Variants in MAST4 observed in about 807,000 individuals in gnomAD.
MAST4 encodes the protein microtubule associated serine/threonine kinase family member 4, also known as microtubule-associated serine/threonine-protein kinase 4.
A neutral mutation model predicts 162.7 loss-of-function variants in MAST4; 89 were observed. The ratio of observed to expected loss-of-function variants is 0.55; its 90% confidence interval spans 0.46 to 0.65. The LOEUF (loss-of-function observed/expected upper bound fraction) is 0.65. MAST4 is among the 30% of genes least tolerant of loss of function. The pLI is 0.00. For missense variants in MAST4, 3,153 were observed against 3,374.0 expected, an observed-to-expected ratio of 0.93 and a Z score of 1.62; for synonymous variants, 1,479 against 1,361.1, an observed-to-expected ratio of 1.09 and a Z score of -1.91.
At chr5:66,597,571 G>T (rs1742278186) in intron 1 of MAST4, among the ~76,000 whole-genome samples, 1 of 152,220 alleles carries the variant, frequency 6.6e-6, no homozygotes, top group Non-Finnish European at 1.5e-5. Flanking sequence ...GGTCCTCTGG[G>T]AGAAGAGGAC....
chr5:67,167,984 T>C lies in MAST4; in HGVS notation c.*933T>C, dbSNP rs1561222598. 1 of 152,264 alleles carries C rather than the reference T, an allele frequency of 6.6e-6. No homozygotes were observed. Among genetic ancestry groups the C allele is most frequent in the East Asian group, 1.9e-4 (1 of 5,204 alleles). The allele number at this position is 152,264 out of a possible 1,614,324, so 9.4% of individuals were successfully genotyped here. A position where few individuals can be genotyped will look rare whatever the true frequency, so the allele number is the denominator to read the frequency against. ...CTCAGGCCTTTATGCTGTGAGTGAC[T>C]AGTCCAAGAAGCACACATTTTGTAG... On this transcript the variant is annotated 3_prime_UTR_variant, in exon 29 of 29. Coordinates refer to ENST00000403625, the MANE Select transcript of MAST4 (RefSeq NM_001164664.2).
At chr5:66,732,732 C>G (rs1460886729) in intron 1 of MAST4, among the ~76,000 whole-genome samples, 1 of 152,138 alleles carries the variant, frequency 6.6e-6, no homozygotes, top group African/African-American at 2.4e-5. Flanking sequence ...GAGATTGTCC[C>G]TTTTTCCACT....
intron 1 of MAST4, among the ~76,000 whole-genome samples, chr5:66,718,181 T>C (rs1750966431): frequency 6.6e-6 from 1 of 151,006 alleles, no homozygotes; most frequent in African/African-American, 2.5e-5. Flanking sequence ...TTTCTTTTTT[T>C]TTTCTTTTTT....
chr5:66,925,093 C>A (rs1305486900), intron 4 of MAST4, among the ~76,000 whole-genome samples: 2 of 152,114 alleles, frequency 1.3e-5, no homozygotes, highest in African/African-American at 2.4e-5. Flanking sequence ...TACTTTTAGA[C>A]TTTTTTTCTA....
chr5:66,789,988 ATTTTTTTTTTTTTT>A (rs57743987), intron 3 of MAST4, among the ~76,000 whole-genome samples: 17 of 52,476 alleles, frequency 3.2e-4, no homozygotes, highest in South Asian at 3.0e-3. Flanking sequence ...GCTTATTAGA[ATTTTTTTTTTTTTT>A]TTTTTTTTTT....
In MAST4 at chr5:66,861,890, G is replaced by T. The variant is rs530326942; in HGVS notation, c.643-38061G>T. Reference sequence around the variant, plus strand: ...ATAGATTAACACTGTTCTATTAGGTGTTCAGTGTTGTAATGATGATTGGTG... The same window carrying T: ...ATAGATTAACACTGTTCTATTAGGTTTTCAGTGTTGTAATGATGATTGGTG... On this transcript the variant is annotated intron_variant, in intron 3 of 28. Transcript: ENST00000403625. Among the ~76,000 whole-genome samples, 5 of 152,298 alleles carry T rather than the reference G, an allele frequency of 3.3e-5. No homozygotes were observed. The South Asian group carries it at 8.3e-4, about 25-fold the overall frequency.
chr5:66,809,737 A>T (rs1756386691), intron 3 of MAST4, among the ~76,000 whole-genome samples: 1 of 151,886 alleles, frequency 6.6e-6, no homozygotes, highest in Admixed American at 6.6e-5. Context: ...AAAATATATG[A>T]CTTTTTGTTT....
intron 4 of MAST4, among the ~76,000 whole-genome samples, chr5:67,029,643 T>G (rs1000202211): frequency 6.6e-6 from 1 of 152,092 alleles, no homozygotes; most frequent in Admixed American, 6.6e-5. Flanking sequence ...GATTGTTGGG[T>G]TTTGTTTGTT....
intron 4 of MAST4, among the ~76,000 whole-genome samples, chr5:66,946,841 A>G (rs1744085206): frequency 2.0e-5 from 3 of 152,196 alleles, no homozygotes; most frequent in Admixed American, 2.0e-4. Flanking sequence ...AATGCATAAA[A>G]GCACATAGTA....
chr5:66,801,239 T>G (rs1755903969), intron 3 of MAST4, among the ~76,000 whole-genome samples: 1 of 152,172 alleles, frequency 6.6e-6, no homozygotes, highest in Non-Finnish European at 1.5e-5. Flanking sequence ...AGAGGACATT[T>G]ACTGTAGAAT....
At chr5:66,807,224 C>T (rs6891285) in intron 3 of MAST4, among the ~76,000 whole-genome samples, 7,336 of 152,252 alleles carry the variant, frequency 0.048, 260 homozygotes, top group South Asian at 0.13. Context: ...TGGCCGGGTG[C>T]GGTGGCTCAC....
At chr5:67,106,619 T>G (rs1033916358) in intron 10 of MAST4, among the ~76,000 whole-genome samples, 2 of 152,202 alleles carry the variant, frequency 1.3e-5, no homozygotes, top group Non-Finnish European at 2.9e-5. Context: ...CCTCCAGTCT[T>G]AACTCTTCAA....
At chr5:67,008,699 G>A (rs190336635) in intron 4 of MAST4, among the ~76,000 whole-genome samples, 1 of 152,160 alleles carries the variant, frequency 6.6e-6, no homozygotes, top group Non-Finnish European at 1.5e-5. Context: ...ATCACTTTGA[G>A]CAAGTTTCCA....
intron 3 of MAST4, among the ~76,000 whole-genome samples, chr5:66,887,067 A>C (rs564369044): frequency 6.6e-6 from 1 of 152,166 alleles, no homozygotes; most frequent in Non-Finnish European, 1.5e-5. Context: ...CAAAAACAAA[A>C]ACGAAACAAA....
chr5:66,888,722 A>G (rs1762194487), intron 3 of MAST4, among the ~76,000 whole-genome samples: 1 of 152,238 alleles, frequency 6.6e-6, no homozygotes, highest in Non-Finnish European at 1.5e-5. Flanking sequence ...CCTGTCAAGA[A>G]AACTCATCTT....
At chr5:66,682,323 G>A (rs577295127) in intron 1 of MAST4, among the ~76,000 whole-genome samples, 74 of 152,308 alleles carry the variant, frequency 4.9e-4, no homozygotes, top group Middle Eastern at 6.8e-3. Flanking sequence ...TGTAGTTTAC[G>A]TGCCTTCTTG....
Position 67,131,845 on chromosome 5 carries a change from G to T in MAST4, c.1987G>T (p.Gly663Cys). The T allele has an allele frequency of 6.2e-7, 1 of 1,613,042 alleles. No homozygotes were observed. The change falls in exon 16 of 29, where the codon GGT (glycine) becomes TGT (cysteine). Residue 663 changes from glycine (G) to cysteine (C), a missense_variant. Transcript: ENST00000403625. ...GDCATLMKNM[G>C]PLPVDMARMY... is the part of the protein sequence containing the mutation. ...CTGTGCTACTTTAATGAAAAACATGGGTCCTCTCCCTGTTGATATGGCCAG... is the reference window on the plus strand; with the variant it reads ...CTGTGCTACTTTAATGAAAAACATGTGTCCTCTCCCTGTTGATATGGCCAG...
intron 4 of MAST4, among the ~76,000 whole-genome samples, chr5:67,012,181 G>A (rs1020206685): frequency 2.0e-5 from 3 of 151,942 alleles, no homozygotes; most frequent in East Asian, 1.9e-4. Context: ...AACAGGAATC[G>A]TAAGCTTCAA....
intron 3 of MAST4, among the ~76,000 whole-genome samples, chr5:66,879,054 C>T (rs1331384157): frequency 4.6e-5 from 7 of 152,086 alleles, no homozygotes; most frequent in East Asian, 1.9e-4. Context: ...CCAAGGCTGG[C>T]AGATCACGAG....
Sources: allele counts gnomAD v4.1 joint callset (sites outside exome capture counted in the v4.1 genomes callset), GRCh38; gene constraint gnomAD v4.1.1; transcripts MANE v1.5; gene names NCBI Gene and HGNC (gene_info 2026-07-23, HGNC 2026-07-21).